DYNC2I2: variants seen among roughly 807,000 people sequenced by gnomAD.
DYNC2I2 encodes the protein cytoplasmic dynein 2 intermediate chain 2.
DYNC2I2 carries 39 observed loss-of-function variants against 52.0 expected under a neutral mutation model. That is an observed-to-expected ratio of 0.75 (90% CI 0.58 to 0.98). DYNC2I2 has a LOEUF of 0.98. Among genes scored for constraint, DYNC2I2 ranks in the 50% least tolerant of loss-of-function variants. The probability of loss-of-function intolerance (pLI) is 0.00; values close to 1 mark genes in which losing one functional copy is unlikely to be tolerated. For missense variants in DYNC2I2, 743 were observed against 728.4 expected (o/e 1.02, Z -0.23); for synonymous variants, 359 against 321.1 (o/e 1.12, Z -1.26).
chr9:128,646,010 G>A (rs996708670), intron 1 of DYNC2I2, among the ~76,000 whole-genome samples: 1 of 152,192 alleles, frequency 6.6e-6, no homozygotes, highest in Non-Finnish European at 1.5e-5. Flanking sequence ...GCTGAGAGAG[G>A]TGAGGAAGCT....
At chr9:128,659,979 G>A (rs1371614762), upstream of DYNC2I2, among the ~76,000 whole-genome samples, 1 of 151,028 alleles carries the variant, frequency 6.6e-6, no homozygotes, top group Non-Finnish European at 1.5e-5. Context: ...TTAGTTGGGA[G>A]GATCGCTTGG....
At chr9:128,637,427 T>C (rs917716703) in intron 2 of DYNC2I2, among the ~76,000 whole-genome samples, 1 of 152,166 alleles carries the variant, frequency 6.6e-6, no homozygotes, top group Non-Finnish European at 1.5e-5. Flanking sequence ...GATTTTTTGT[T>C]GTTTGTGGTG....
rs779263212 is a variant in DYNC2I2, at chr9:128,633,833, T to C, written c.1522A>G (p.Lys508Glu). The C allele has an allele frequency of 6.2e-7, 1 of 1,613,590 alleles. No individual in the cohort carries two copies. Among genetic ancestry groups the C allele is most frequent in the Non-Finnish European group, 8.5e-7 (1 of 1,180,032 alleles). Residue 508 changes from lysine (K) to glutamate (E), a missense_variant, in exon 9 of 9, where the codon AAG (lysine) becomes GAG (glutamate). Coordinates refer to ENST00000372715, the MANE Select transcript of DYNC2I2 (RefSeq NM_052844.4). ...LAAGDAQGTV[K>E]VWQLSTEFTE... ...AACTCTGTGCTCAGCTGCCACACCT[T>C]CACTGTGCCCTGGGCATCGCCCGCA...
At chr9:128,643,627 G>A (rs1250368751) in intron 1 of DYNC2I2, among the ~76,000 whole-genome samples, 1 of 151,870 alleles carries the variant, frequency 6.6e-6, no homozygotes, top group Non-Finnish European at 1.5e-5. Context: ...AGGAAGTGGA[G>A]GCTGCAGTGA....
At position 128,651,405 on chromosome 9, in the gene DYNC2I2, G is replaced by C. The variant is rs112191089; in HGVS notation, c.186+5136C>G. 3.7e-5 allele frequency: 2 copies of C among 54,328 alleles called. 1 individual carries two copies. The highest frequency in any genetic ancestry group is 4.3e-4 in the Admixed American group (2 of 4,702). 3.4% of individuals were successfully genotyped at this position (54,328 alleles called of 1,614,324 possible). On this transcript the variant is annotated intron_variant, in intron 1 of 8. Coordinates refer to ENST00000372715, the MANE Select transcript of DYNC2I2 (RefSeq NM_052844.4). ...ACATTAACCGGCCGTGGTGGCGCAC[G>C]GCTGTAATCCCAGCTTCTCGGGAGG...
intron 1 of DYNC2I2, among the ~76,000 whole-genome samples, chr9:128,645,108 T>C (rs1246297074): frequency 2.0e-5 from 3 of 151,950 alleles, no homozygotes; most frequent in Non-Finnish European, 4.4e-5. Flanking sequence ...CCCAGCACTT[T>C]GGGAGGCCGA....
chr9:128,635,606 T>A, intron 5 of DYNC2I2, 52 bp downstream of exon 5: 1 of 1,508,206 alleles, frequency 6.6e-7, no homozygotes. Flanking sequence ...GTGGGCGCCC[T>A]CTCCCCAGCT....
intron 5 of DYNC2I2, 192 bp downstream of exon 5, chr9:128,635,466 C>A (rs1269422364): frequency 3.7e-6 from 3 of 800,984 alleles, no homozygotes; most frequent in Non-Finnish European, 3.9e-6. Context: ...TCGGTGCCTG[C>A]AGAGGAGGCT....
upstream of DYNC2I2, among the ~76,000 whole-genome samples, chr9:128,658,483 A>G (rs144367352): frequency 0.022 from 3,355 of 149,134 alleles, 116 homozygotes; most frequent in African/African-American, 0.078. Flanking sequence ...TTTTTTTGAG[A>G]CAGAGTCTCG....
the DYNC2I2 span, among the ~76,000 whole-genome samples, chr9:128,675,326 C>T: frequency 6.6e-6 from 1 of 151,970 alleles, no homozygotes; most frequent in South Asian, 2.1e-4. Context: ...TACAGGCATG[C>T]ACCACCATGC....
chr9:128,656,047 G>A (rs117722728), intron 1 of DYNC2I2, among the ~76,000 whole-genome samples: 4,273 of 151,636 alleles, frequency 0.028, 76 homozygotes, highest in Non-Finnish European at 0.04. Flanking sequence ...ATCTCTACAA[G>A]ATAATAAATA....
chr9:128,656,501 T>G, intron 1 of DYNC2I2, 40 bp downstream of exon 1: 5 of 1,240,552 alleles, frequency 4.0e-6, no homozygotes, highest in Non-Finnish European at 5.0e-6. Flanking sequence ...CGACCCCGCC[T>G]TCCCGCCCGC....
At chr9:128,682,338 G>A in the DYNC2I2 span, among the ~76,000 whole-genome samples, 1 of 151,910 alleles carries the variant, frequency 6.6e-6, no homozygotes, top group Non-Finnish European at 1.5e-5. Flanking sequence ...ATGAGCCACC[G>A]CACCTGGCCC....
In DYNC2I2 at chr9:128,634,292, T is replaced by TGAGGGAGAGCTGCAGCGAAGTC; in HGVS notation, c.1284_1305dup (p.Lys436AspfsTer31). On this transcript the variant is annotated frameshift_variant, in exon 8 of 9. Coordinates refer to ENST00000372715, the MANE Select transcript of DYNC2I2 (RefSeq NM_052844.4). LOFTEE classifies it high-confidence loss of function. Reference sequence around the variant, plus strand: ...GACCAGCGCACAGCAAACAGATACTTGAGGGAGAGCTGCAGCGAAGTCAAG... The same window carrying TGAGGGAGAGCTGCAGCGAAGTC: ...GACCAGCGCACAGCAAACAGATACTTGAGGGAGAGCTGCAGCGAAGTCGAGGGAGAGCTGCAGCGAAGTCAAG... 1.9e-6 allele frequency: 3 copies of TGAGGGAGAGCTGCAGCGAAGTC among 1,613,614 alleles called. No individual in the cohort carries two copies. Among genetic ancestry groups the TGAGGGAGAGCTGCAGCGAAGTC allele is most frequent in the Non-Finnish European group, 2.5e-6 (3 of 1,179,924 alleles).
chr9:128,669,840 G>A, the DYNC2I2 span, among the ~76,000 whole-genome samples: 1 of 152,210 alleles, frequency 6.6e-6, no homozygotes, highest in East Asian at 1.9e-4. Context: ...CACAATGCAC[G>A]CTTATATTTT....
In DYNC2I2 at chr9:128,646,488, C is replaced by T. The variant is rs1284838996; in HGVS notation, c.187-5549G>A. ...CTTCCCAAAGTGCTGGGATTACAGG[C>T]ATGAGCCACCTGGCCCAGATTTTCA... is the stretch of plus-strand genomic sequence containing the variant. On this transcript the variant is annotated intron_variant, in intron 1 of 8. Transcript: ENST00000372715. Among the ~76,000 whole-genome samples the T allele has an allele frequency of 3.3e-5, 5 of 151,454 alleles. No individual in the cohort carries two copies. The East Asian group carries it at 7.9e-4, about 24-fold the overall frequency.
At chr9:128,671,358 G>A in the DYNC2I2 span, among the ~76,000 whole-genome samples, 1 of 149,174 alleles carries the variant, frequency 6.7e-6, no homozygotes, top group East Asian at 2.0e-4. Flanking sequence ...CTGCAGTGAA[G>A]TGACTTGATT....
chr9:128,636,878 G>A (rs776671851), intron 3 of DYNC2I2, 40 bp downstream of exon 3: 2 of 1,503,430 alleles, frequency 1.3e-6, no homozygotes, highest in Non-Finnish European at 1.8e-6. Context: ...GAGGGTCCTG[G>A]GGTGGCGAGC....
chr9:128,659,074 AAG>A, upstream of DYNC2I2, among the ~76,000 whole-genome samples: 2 of 151,754 alleles, frequency 1.3e-5, no homozygotes, highest in East Asian at 3.9e-4. Context: ...TTCAGGGCCC[AAG>A]ATTCCGTCCC....
Sources: gnomAD v4.1 joint callset for allele counts (sites outside exome capture counted in the v4.1 genomes callset) on GRCh38, gnomAD v4.1.1 for gene constraint, MANE v1.5 for transcripts, NCBI Gene and HGNC (gene_info 2026-07-23, HGNC 2026-07-21) for gene names.